Variants in CPNE4 observed in about 807,000 individuals in gnomAD.
CPNE4 encodes copine 4.
A neutral mutation model predicts 67.9 loss-of-function variants in CPNE4; 25 were observed. The observed-to-expected ratio is 0.37, with a 90% CI of 0.27 to 0.51. The LOEUF is 0.51. Ranked by LOEUF, CPNE4 falls within the 20% of genes least tolerant of loss-of-function variation. The probability of loss-of-function intolerance (pLI) is 0.93; values close to 1 mark genes in which losing one functional copy is unlikely to be tolerated. For synonymous variants in CPNE4, 242 were observed against 244.9 expected (o/e 0.99, Z 0.11); for missense variants, 464 against 690.8 (o/e 0.67, Z 3.68).
chr3:131,838,652 A>G (rs1017440480), intron 2 of CPNE4, among the ~76,000 whole-genome samples: 1 of 151,772 alleles, frequency 6.6e-6, no homozygotes, highest in African/African-American at 2.4e-5. Flanking sequence ...AAAAACCTAT[A>G]TAAGAATCTC....
intron 1 of CPNE4, among the ~76,000 whole-genome samples, chr3:132,016,273 A>T (rs1446617521): frequency 1.3e-5 from 2 of 152,188 alleles, no homozygotes; most frequent in African/African-American, 4.8e-5. Context: ...GTGTCAGACC[A>T]TTAGCCTCAG....
intron 7 of CPNE4, among the ~76,000 whole-genome samples, chr3:131,607,077 CTGTT>C (rs150460960): frequency 0.13 from 19,874 of 151,524 alleles, 1,809 homozygotes; most frequent in African/African-American, 0.26. Flanking sequence ...CACTGAAACT[CTGTT>C]TGTCAAAGAG....
intron 3 of CPNE4, among the ~76,000 whole-genome samples, chr3:131,706,069 G>A (rs368810024): frequency 7.9e-5 from 12 of 152,242 alleles, no homozygotes; most frequent in South Asian, 4.2e-4. Context: ...GCATTTTGTC[G>A]GGTCAAGGGC....
chr3:131,799,919 TTG>T (rs3070292), intron 2 of CPNE4, among the ~76,000 whole-genome samples: 7,166 of 145,582 alleles, frequency 0.049, 227 homozygotes, highest in Middle Eastern at 0.066. Context: ...TGTGTGTGTG[TTG>T]TGTGTGTGTG....
At position 131,539,129 on chromosome 3, in the gene CPNE4, A is replaced by G. The variant is rs111227131; in HGVS notation, c.1539+3428T>C. On this transcript the variant is annotated intron_variant, in intron 15 of 15. Transcript: ENST00000429747. The stretch of plus-strand genomic sequence containing the variant: ...TTTATTTATGGCTTATTGAATTCAA[A>G]GTAGATTAGTTTGGGTAATGAAATG... 1.2e-3 allele frequency among the ~76,000 whole-genome samples: 188 copies of G among 152,304 alleles called. 1 individual carries two copies. The highest frequency in any genetic ancestry group is 4.2e-3 in the African/African-American group (176 of 41,570).
intron 6 of CPNE4, among the ~76,000 whole-genome samples, chr3:131,683,107 A>C (rs2080798418): frequency 6.6e-6 from 1 of 152,136 alleles, no homozygotes. Context: ...GGGGACCCCA[A>C]GAGCCCAATT....
At chr3:131,864,027 A>T (rs1305472784) in intron 2 of CPNE4, among the ~76,000 whole-genome samples, 1 of 151,874 alleles carries the variant, frequency 6.6e-6, no homozygotes, top group Non-Finnish European at 1.5e-5. Flanking sequence ...GATATGCGGC[A>T]TTATTTCTGA....
At chr3:131,895,554 TTAA>T (rs1052196852) in intron 2 of CPNE4, among the ~76,000 whole-genome samples, 2 of 85,046 alleles carry the variant, frequency 2.4e-5, no homozygotes, top group African/African-American at 9.4e-5. Context: ...TGATCCTGAG[TTAA>T]TTTTATTTTT....
chr3:131,724,109 G>T (rs1339348500), intron 2 of CPNE4, among the ~76,000 whole-genome samples: 1 of 152,140 alleles, frequency 6.6e-6, no homozygotes, highest in East Asian at 1.9e-4. Context: ...TAATTGATTA[G>T]TGATGTCTGG....
At chr3:131,604,456 T>C (rs556240488) in intron 7 of CPNE4, among the ~76,000 whole-genome samples, 6 of 152,152 alleles carry the variant, frequency 3.9e-5, no homozygotes, top group Non-Finnish European at 7.4e-5. Context: ...GGTGTATCTG[T>C]GAGAGTGTTG....
chr3:131,979,273 T>C (rs2072841316), intron 1 of CPNE4, among the ~76,000 whole-genome samples: 1 of 152,208 alleles, frequency 6.6e-6, no homozygotes, highest in Non-Finnish European at 1.5e-5. Context: ...TCTAATGCTG[T>C]CAGTGGAGTC....
chr3:131,897,569 C>T (rs1007047137), intron 2 of CPNE4, among the ~76,000 whole-genome samples: 2 of 151,924 alleles, frequency 1.3e-5, no homozygotes, highest in African/African-American at 4.8e-5. Context: ...ACACTATATA[C>T]AATTTTTTTT....
chr3:131,549,638 G>T (rs1227598550), intron 14 of CPNE4, among the ~76,000 whole-genome samples: 1 of 152,028 alleles, frequency 6.6e-6, no homozygotes, highest in Non-Finnish European at 1.5e-5. Context: ...TCTTTTCAAG[G>T]ACAGGAGGTG....
At chr3:132,012,417 C>T (rs2073790703) in intron 1 of CPNE4, among the ~76,000 whole-genome samples, 1 of 152,122 alleles carries the variant, frequency 6.6e-6, no homozygotes, top group African/African-American at 2.4e-5. Context: ...GATCTGACCA[C>T]CTTGGCCTTC....
intron 2 of CPNE4, among the ~76,000 whole-genome samples, chr3:131,864,535 G>C (rs922767193): frequency 6.6e-6 from 1 of 151,860 alleles, no homozygotes; most frequent in African/African-American, 2.4e-5. Context: ...AAGAATGCTT[G>C]TGAATTTTGC....
At chr3:131,952,337 G>C (rs1049181571) in intron 1 of CPNE4, among the ~76,000 whole-genome samples, 13 of 149,178 alleles carry the variant, frequency 8.7e-5, no homozygotes, top group African/African-American at 3.2e-4. Flanking sequence ...CAACCACCCC[G>C]TCTGAGAAGT....
At position 131,723,434 on chromosome 3, in the gene CPNE4, C is replaced by T. The variant is rs944217149; in HGVS notation, c.360+12G>A. ...GATGGCAAGGAGGAGGAAGGGATGT[C>T]TGTTGACCCACCTGGCCAAGTGTGC... is the stretch of plus-strand genomic sequence containing the variant. On this transcript the variant is annotated intron_variant, in intron 3 of 15. Coordinates refer to ENST00000429747, the MANE Select transcript of CPNE4 (RefSeq NM_130808.3). 2.5e-6 allele frequency: 4 copies of T among 1,611,214 alleles called. No homozygotes were observed. The African/African-American group carries it at 5.3e-5, about 21-fold the overall frequency.
chr3:131,907,809 G>A (rs113069822), intron 1 of CPNE4, among the ~76,000 whole-genome samples: 2 of 152,080 alleles, frequency 1.3e-5, no homozygotes, highest in Non-Finnish European at 2.9e-5. Context: ...TTAGGTAAAA[G>A]GAACCTCAGT....
At chr3:131,817,751 G>A (rs566161124) in intron 2 of CPNE4, among the ~76,000 whole-genome samples, 192 of 152,288 alleles carry the variant, frequency 1.3e-3, no homozygotes, top group Admixed American at 1.6e-3. Context: ...TGATGTTACT[G>A]ATGTTCATGG....
Sources: gnomAD v4.1 joint callset for allele counts (sites outside exome capture counted in the v4.1 genomes callset) on GRCh38, gnomAD v4.1.1 for gene constraint, MANE v1.5 for transcripts, NCBI Gene and HGNC (gene_info 2026-07-23, HGNC 2026-07-21) for gene names.